The following UTY variants were observed in gnomAD, a reference collection of about 807,000 sequenced individuals.
The protein encoded by UTY is histone demethylase UTY.
Under a neutral mutation model 32.5 loss-of-function variants are expected in UTY, and 12 were observed. The ratio of observed to expected loss-of-function variants is 0.37; its 90% CI spans 0.24 to 0.60. The LOEUF is 0.60. UTY is among the 20% of genes least tolerant of loss of function. The probability of loss-of-function intolerance (pLI) is 0.69; values close to 1 mark genes in which losing one functional copy is unlikely to be tolerated. For synonymous variants in UTY, 131 were observed against 103.4 expected, an observed-to-expected ratio of 1.27 and a Z score of -1.62; for missense variants, 303 against 299.2, an observed-to-expected ratio of 1.01 and a Z score of -0.09.
In UTY at chrY:13,359,904, C is replaced by T. The variant is rs1233676162; in HGVS notation, c.1048G>A (p.Ala350Thr). The T allele has an allele frequency of 1.3e-5, 5 of 398,242 alleles. No homozygotes were observed. The East Asian group carries it at 4.6e-4, about 37-fold the overall frequency. ...AGAGTACCTAGGTCCATCCAGGCTGCGGCATGCCCATGGTCCAATTGTACA... is the reference window on the plus strand; with the variant it reads ...AGAGTACCTAGGTCCATCCAGGCTGTGGCATGCCCATGGTCCAATTGTACA... ...CAVQLDHGHAAAWMDLGTLYE... is the reference protein window; with the variant it reads ...CAVQLDHGHATAWMDLGTLYE... The change falls in exon 12 of 30, where the codon GCA becomes ACA. Residue 350 changes from alanine to threonine, a missense_variant. Transcript: ENST00000545955.
At chrY:13,339,129 A>C in intron 17 of UTY, among the ~76,000 whole-genome samples, 1 of 34,199 alleles carries the variant, frequency 2.9e-5, no homozygotes, top group East Asian at 7.7e-4. Flanking sequence ...CTTTTTGGAC[A>C]TATGTCTGGC....
At chrY:13,464,196 G>C (rs926890533) in intron 3 of UTY, among the ~76,000 whole-genome samples, 6 of 33,614 alleles carry the variant, frequency 1.8e-4, no homozygotes, top group Non-Finnish European at 3.7e-4. Context: ...AGCTTTCAGA[G>C]CTTTAATTGA....
At chrY:13,447,565 AAAAT>A (rs2076029677) in intron 4 of UTY, among the ~76,000 whole-genome samples, 1 of 34,054 alleles carries the variant, frequency 2.9e-5, no homozygotes, top group Non-Finnish European at 7.3e-5. Flanking sequence ...CTGTCAATAA[AAAAT>A]AAAGTTTACT....
intron 3 of UTY, among the ~76,000 whole-genome samples, chrY:13,457,425 A>ATT (rs2076876874): frequency 3.0e-5 from 1 of 33,523 alleles, no homozygotes; most frequent in South Asian, 6.6e-4. Flanking sequence ...TTGAAAAGTT[A>ATT]TTTCATTTAC....
intron 21 of UTY, among the ~76,000 whole-genome samples, chrY:13,307,925 G>GA (rs2058788277): frequency 3.1e-5 from 1 of 32,727 alleles, no homozygotes; most frequent in African/African-American, 1.2e-4. Context: ...AAGCATCAGA[G>GA]AAGATGGAGA....
At chrY:13,261,127 G>T (rs762794492) in intron 27 of UTY, among the ~76,000 whole-genome samples, 25 of 33,472 alleles carry the variant, frequency 7.5e-4, no homozygotes, top group African/African-American at 2.8e-3. Flanking sequence ...TTTCAAAGCA[G>T]AGGTGGTATA....
Position 13,366,396 on chromosome Y carries a change from A to G in UTY, c.740-3T>C, listed in dbSNP as rs774520801. Reference sequence around the variant, plus strand: ...ATCCATATTATGATGCATCCAACCTATAATTAAGAAGTTATAAGCATTTAC... The same window carrying G: ...ATCCATATTATGATGCATCCAACCTGTAATTAAGAAGTTATAAGCATTTAC... On this transcript the variant is annotated splice_polypyrimidine_tract_variant and splice_region_variant and intron_variant, in intron 9 of 29. Coordinates refer to ENST00000545955, the MANE Select transcript of UTY (RefSeq NM_001258249.2). 5.6e-6 allele frequency: 2 copies of G among 357,480 alleles called. No homozygotes were observed. Among genetic ancestry groups the G allele is most frequent in the Non-Finnish European group, 7.7e-6 (2 of 261,263 alleles). The allele number at this position is 357,480 out of a possible 400,897, so 89.2% of individuals were successfully genotyped here.
intron 3 of UTY, among the ~76,000 whole-genome samples, chrY:13,457,004 AT>A (rs2076838977): frequency 3.0e-5 from 1 of 33,448 alleles, no homozygotes; most frequent in Admixed American, 2.8e-4. Flanking sequence ...TTCCTCACAA[AT>A]TTCTAGTACC....
Position 13,432,643 on chromosome Y carries a change from T to G in UTY, c.375+16374A>C. Among the ~76,000 whole-genome samples the G allele has an allele frequency of 1.2e-4, 4 of 33,138 alleles. No individual in the cohort carries two copies. The East Asian group carries it at 3.1e-3, about 26-fold the overall frequency. The allele number at this position is 33,138 out of a possible 37,273, so 88.9% of individuals were successfully genotyped here. Reference sequence around the variant, plus strand: ...TGCTACCACACTGGCATCTAAGAAGTCCACCCAGAGGCCCACCACGTGGTC... The same window carrying G: ...TGCTACCACACTGGCATCTAAGAAGGCCACCCAGAGGCCCACCACGTGGTC... On this transcript the variant is annotated intron_variant, in intron 4 of 29. Transcript: ENST00000545955.
intron 10 of UTY, among the ~76,000 whole-genome samples, chrY:13,364,538 G>T (rs914343162): frequency 6.1e-5 from 2 of 32,550 alleles, no homozygotes; most frequent in African/African-American, 2.4e-4. Flanking sequence ...CCTAATTTTT[G>T]TATTTTTAGT....
Position 13,358,635 on chromosome Y carries a change from G to T in UTY, c.1321-16C>A. The T allele has an allele frequency of 2.8e-6, 1 of 361,647 alleles. No individual in the cohort carries two copies. Among genetic ancestry groups the T allele is most frequent in the Non-Finnish European group, 3.8e-6 (1 of 262,733 alleles). 90.2% of individuals were successfully genotyped at this position (361,647 alleles called of 400,897 possible). On this transcript the variant is annotated splice_polypyrimidine_tract_variant and intron_variant, in intron 13 of 29. Coordinates refer to ENST00000545955, the MANE Select transcript of UTY (RefSeq NM_001258249.2). ...CTCTATAAGCCTAAGGATCACAGAA[G>T]TAAGATAAAAATATGGTTCTACATA...
intron 21 of UTY, among the ~76,000 whole-genome samples, chrY:13,309,625 T>C: frequency 1.9e-4 from 6 of 32,036 alleles, no homozygotes; most frequent in Non-Finnish European, 3.8e-4. Flanking sequence ...CAAAACTACC[T>C]AACATAACCT....
intron 8 of UTY, among the ~76,000 whole-genome samples, chrY:13,373,028 G>C (rs2065076690): frequency 1.8e-4 from 6 of 33,193 alleles, no homozygotes; most frequent in African/African-American, 4.7e-4. Flanking sequence ...AATTCCACTA[G>C]ATACATACCC....
chrY:13,438,044 T>C, intron 4 of UTY, among the ~76,000 whole-genome samples: 2 of 32,635 alleles, frequency 6.1e-5, no homozygotes, highest in Non-Finnish European at 1.5e-4. Flanking sequence ...AAAGAGGCCA[T>C]GTGTACACTC....
intron 4 of UTY, among the ~76,000 whole-genome samples, chrY:13,424,615 G>T: frequency 2.8e-4 from 9 of 32,418 alleles, no homozygotes; most frequent in African/African-American, 1.1e-3. Flanking sequence ...TGCTCAGGAG[G>T]CTGAGGCAGG....
At chrY:13,262,377 C>G in intron 27 of UTY, among the ~76,000 whole-genome samples, 1 of 31,951 alleles carries the variant, frequency 3.1e-5, no homozygotes, top group Non-Finnish European at 7.6e-5. Flanking sequence ...GATTTCCAAA[C>G]TAAGTAATTT....
At chrY:13,314,147 T>C in intron 21 of UTY, among the ~76,000 whole-genome samples, 1 of 33,415 alleles carries the variant, frequency 3.0e-5, no homozygotes, top group African/African-American at 1.2e-4. Flanking sequence ...GTCTTTAAAA[T>C]AGAAGATGTA....
At chrY:13,353,542 T>TA (rs2062591254) in intron 17 of UTY, among the ~76,000 whole-genome samples, 1 of 34,333 alleles carries the variant, frequency 2.9e-5, no homozygotes, top group Non-Finnish European at 7.3e-5. Context: ...ATTTTGACTT[T>TA]AAGTCTTATT....
intron 2 of UTY, 67 bp downstream of exon 2, chrY:13,479,187 G>T: frequency 3.1e-6 from 1 of 327,634 alleles, no homozygotes; most frequent in Non-Finnish European, 4.5e-6. Context: ...CTGGCTGGGC[G>T]GTAAGGAACG....
Sources: allele counts gnomAD v4.1 joint callset (sites outside exome capture counted in the v4.1 genomes callset), GRCh38; gene constraint gnomAD v4.1.1; transcripts MANE v1.5; gene names NCBI Gene and HGNC (gene_info 2026-07-23, HGNC 2026-07-21).